Variants in PAG1 observed in about 807,000 individuals in gnomAD.
PAG1 encodes phosphoprotein membrane anchor with glycosphingolipid microdomains 1, also known as phosphoprotein associated with glycosphingolipid-enriched microdomains 1.
Under a neutral mutation model 31.7 loss-of-function variants are expected in PAG1, and 23 were observed. The ratio of observed to expected loss-of-function variants is 0.73; its 90% CI spans 0.52 to 1.03. The LOEUF (loss-of-function observed/expected upper bound fraction) is 1.03, where lower values mean the gene tolerates loss of function less well. Ranked by LOEUF, PAG1 falls within the 50% of genes least tolerant of loss-of-function variation. The pLI is 0.00. For synonymous variants in PAG1, 214 were observed against 210.3 expected, an observed-to-expected ratio of 1.02 and a Z score of -0.15; for missense variants, 473 against 540.7, an observed-to-expected ratio of 0.87 and a Z score of 1.24.
intron 8 of PAG1, among the ~76,000 whole-genome samples, chr8:80,979,390 T>C (rs1292890413): frequency 3.9e-5 from 6 of 151,996 alleles, no homozygotes; most frequent in Non-Finnish European, 8.8e-5. Flanking sequence ...GGGAGGTGGG[T>C]ACACAAAGAA....
At chr8:81,085,978 T>G (rs1050065745) in intron 1 of PAG1, among the ~76,000 whole-genome samples, 3 of 117,490 alleles carry the variant, frequency 2.6e-5, no homozygotes, top group Admixed American at 8.1e-5. Flanking sequence ...GCTTGTTTTT[T>G]TTTTTTTTTT....
At position 81,112,024 on chromosome 8, in the gene PAG1, C is replaced by A. The variant is rs1284824241; in HGVS notation, c.-667G>T. On this transcript the variant is annotated 5_prime_UTR_variant, in exon 1 of 9. Transcript: ENST00000220597. ...GCGGGCGCGCAGACGGACAAGCGAGCGGGAGGGTACCGCAGCCAGCACTCG... is the reference window on the plus strand; with the variant it reads ...GCGGGCGCGCAGACGGACAAGCGAGAGGGAGGGTACCGCAGCCAGCACTCG... The A allele has an allele frequency of 6.6e-6, 1 of 152,188 alleles. No individual in the cohort carries two copies. Among genetic ancestry groups the A allele is most frequent in the Non-Finnish European group, 1.5e-5 (1 of 68,038 alleles). 9.4% of individuals were successfully genotyped at this position (152,188 alleles called of 1,614,324 possible).
intron 1 of PAG1, among the ~76,000 whole-genome samples, chr8:81,089,125 C>G (rs13273982): frequency 0.56 from 85,771 of 152,068 alleles, 24,458 homozygotes; most frequent in East Asian, 0.66. Context: ...CAAAACTCCT[C>G]GGTCTGAGAC....
chr8:81,066,364 A>G (rs1260972730), intron 2 of PAG1, among the ~76,000 whole-genome samples: 2 of 152,236 alleles, frequency 1.3e-5, no homozygotes, highest in Non-Finnish European at 2.9e-5. Flanking sequence ...CTCTAGCATC[A>G]GAACATGGAT....
chr8:81,076,630 ATC>A (rs2130996491), intron 1 of PAG1, among the ~76,000 whole-genome samples: 1 of 152,308 alleles, frequency 6.6e-6, no homozygotes, highest in East Asian at 1.9e-4. Context: ...AGAAAGAGAA[ATC>A]TCTTACTTTC....
intron 2 of PAG1, among the ~76,000 whole-genome samples, chr8:81,065,009 C>A (rs1808979486): frequency 6.6e-6 from 1 of 152,178 alleles, no homozygotes; most frequent in Non-Finnish European, 1.5e-5. Flanking sequence ...GAGACAGCAC[C>A]TTTAAGGCTT....
intron 1 of PAG1, among the ~76,000 whole-genome samples, chr8:81,095,923 G>A (rs1438933653): frequency 1.3e-5 from 2 of 152,208 alleles, no homozygotes; most frequent in African/African-American, 4.8e-5. Flanking sequence ...GAAAATGAAT[G>A]AATAAACAGA....
chr8:81,092,281 C>T lies in PAG1; in HGVS notation c.-234+19310G>A, dbSNP rs58665999. On this transcript the variant is annotated intron_variant, in intron 1 of 8. Transcript: ENST00000220597. Reference sequence around the variant, plus strand: ...ACCTATAGTTCCAGGCTACTTGAGGCGCTGAGGCGGGAGGATTGCTTGAGC... The same window carrying T: ...ACCTATAGTTCCAGGCTACTTGAGGTGCTGAGGCGGGAGGATTGCTTGAGC... 4.7e-5 allele frequency among the ~76,000 whole-genome samples: 7 copies of T among 148,346 alleles called. No homozygotes were observed. The East Asian group carries it at 6.1e-4, about 13-fold the overall frequency.
intron 2 of PAG1, among the ~76,000 whole-genome samples, chr8:81,064,962 G>A (rs1808978588): frequency 6.6e-6 from 1 of 152,196 alleles, no homozygotes. Flanking sequence ...GGCTCCCAAT[G>A]TAGCTATCAG....
chr8:80,975,792 A>T lies in PAG1; in HGVS notation c.*752T>A, dbSNP rs1176648653. The T allele has an allele frequency of 1.3e-5, 2 of 152,210 alleles. No homozygotes were observed. The highest frequency in any genetic ancestry group is 2.9e-5 in the Non-Finnish European group (2 of 68,026). 9.4% of individuals were successfully genotyped at this position (152,210 alleles called of 1,614,324 possible). A position where few individuals can be genotyped will look rare whatever the true frequency, so the allele number is the denominator to read the frequency against. ...AAACACTGGGGGAAACACGTTTTTG[A>T]CTAGAAAAATAAAATAAAGCATCTA... is the stretch of plus-strand genomic sequence containing the variant. On this transcript the variant is annotated 3_prime_UTR_variant, in exon 9 of 9. Coordinates refer to ENST00000220597, the MANE Select transcript of PAG1 (RefSeq NM_018440.4).
chr8:80,983,981 A>C (rs189553813), intron 7 of PAG1, among the ~76,000 whole-genome samples: 1 of 152,362 alleles, frequency 6.6e-6, no homozygotes, highest in East Asian at 1.9e-4. Flanking sequence ...GAACTACGGA[A>C]GGTTTTTAAG....
chr8:80,993,608 T>C (rs1765132796), intron 3 of PAG1, among the ~76,000 whole-genome samples: 1 of 151,416 alleles, frequency 6.6e-6, no homozygotes, highest in East Asian at 1.9e-4. Context: ...TCTTTTTTTT[T>C]TTTTTTTTTC....
At chr8:81,086,494 T>TGTGTGTGTGTGCGCGCGC (rs1219209863) in intron 1 of PAG1, among the ~76,000 whole-genome samples, 9 of 151,194 alleles carry the variant, frequency 6.0e-5, no homozygotes, top group East Asian at 5.8e-4. Context: ...GCAAGAAATG[T>TGTGTGTGTGTGCGCGCGC]GTGTGTGTGT....
intron 1 of PAG1, among the ~76,000 whole-genome samples, chr8:81,085,969 C>CTTTTTTTTTT (rs1563425286): frequency 2.5e-5 from 2 of 79,038 alleles, no homozygotes; most frequent in African/African-American, 1.2e-4. Context: ...TTTAATCTGG[C>CTTTTTTTTTT]TTGTTTTTTT....
chr8:80,993,989 T>A lies in PAG1; in HGVS notation c.-80-682A>T, dbSNP rs541133346. Among the ~76,000 whole-genome samples, 4 of 152,084 alleles carry A rather than the reference T, an allele frequency of 2.6e-5. No individual in the cohort carries two copies. In the East Asian group the frequency reaches 7.7e-4, roughly 29 times the overall value. On this transcript the variant is annotated intron_variant, in intron 3 of 8. Coordinates refer to ENST00000220597, the MANE Select transcript of PAG1 (RefSeq NM_018440.4). ...GCTCATTTAGGTTCATTAAAAAAAA[T>A]CAGAACAGTATATAACAATTCTTAT...
intron 6 of PAG1, 111 bp from the exon 7 acceptor site, chr8:80,985,488 A>C: frequency 1.8e-6 from 2 of 1,081,902 alleles, no homozygotes; most frequent in Non-Finnish European, 2.6e-6. Flanking sequence ...TTTTTATTTA[A>C]GTCTCAGGCA....
chr8:81,077,530 C>G (rs988632093), intron 1 of PAG1, among the ~76,000 whole-genome samples: 1 of 152,134 alleles, frequency 6.6e-6, no homozygotes, highest in Non-Finnish European at 1.5e-5. Flanking sequence ...ATTTGAATAC[C>G]AATTGTCACC....
At chr8:81,053,869 G>A (rs1355039894) in intron 2 of PAG1, among the ~76,000 whole-genome samples, 1 of 152,166 alleles carries the variant, frequency 6.6e-6, no homozygotes, top group African/African-American at 2.4e-5. Flanking sequence ...AAAGTAGTGA[G>A]CAAGATCAGG....
chr8:81,074,331 G>C (rs965983102), intron 1 of PAG1, among the ~76,000 whole-genome samples: 6 of 152,184 alleles, frequency 3.9e-5, no homozygotes, highest in African/African-American at 1.4e-4. Context: ...CATGAGGGAA[G>C]AGGGAGCAGC....
Sources: allele counts gnomAD v4.1 joint callset (sites outside exome capture counted in the v4.1 genomes callset), GRCh38; gene constraint gnomAD v4.1.1; transcripts MANE v1.5; gene names NCBI Gene and HGNC (gene_info 2026-07-23, HGNC 2026-07-21).